Variants in CLEC9A observed in about 807,000 individuals in gnomAD.
The protein encoded by CLEC9A is C-type lectin domain containing 9A.
A neutral mutation model predicts 30.0 loss-of-function variants in CLEC9A; 24 were observed. The ratio of observed to expected loss-of-function variants is 0.80; its 90% CI spans 0.58 to 1.13. The LOEUF (loss-of-function observed/expected upper bound fraction) is 1.13, where lower values mean the gene tolerates loss of function less well. Ranked by LOEUF, CLEC9A falls within the 50% of genes most tolerant of loss-of-function variation. The probability of loss-of-function intolerance (pLI) is 0.00; values close to 1 mark genes in which losing one functional copy is unlikely to be tolerated. For synonymous variants in CLEC9A, 111 were observed against 96.8 expected, an observed-to-expected ratio of 1.15 and a Z score of -0.86; for missense variants, 251 against 280.9, an observed-to-expected ratio of 0.89 and a Z score of 0.76.
At chr12:10,039,661 T>C (rs1280277511) in intron 1 of CLEC9A, among the ~76,000 whole-genome samples, 1 of 152,212 alleles carries the variant, frequency 6.6e-6, no homozygotes, top group Non-Finnish European at 1.5e-5. Flanking sequence ...TGTGCTTTTT[T>C]CCTCCAGGAA....
chr12:10,052,787 T>G lies in CLEC9A; in HGVS notation c.91+9T>G. The G allele has an allele frequency of 1.2e-6, 2 of 1,612,750 alleles. No individual in the cohort carries two copies. Among genetic ancestry groups the G allele is most frequent in the Non-Finnish European group, 1.7e-6 (2 of 1,179,488 alleles). ...TTCCAACAAATGTTCAGGTAACCAG[T>G]TCTAACTATTTTGTGTGAGACTTTA... On this transcript the variant is annotated intron_variant, in intron 4 of 8. Transcript: ENST00000355819.
chr12:10,060,811 T>C, intron 5 of CLEC9A: 1 of 249,080 alleles, frequency 4.0e-6, no homozygotes, highest in South Asian at 4.9e-5. Context: ...TTTGCCTTCA[T>C]TTGTAAAGTT....
Position 10,061,141 on chromosome 12 carries a change from A to G in CLEC9A, c.187A>G (p.Thr63Ala), listed in dbSNP as rs758338942. 1.9e-6 allele frequency: 3 copies of G among 1,610,666 alleles called. No homozygotes were observed. Among genetic ancestry groups the G allele is most frequent in the South Asian group, 2.2e-5 (2 of 90,262 alleles). ...ATCATGTGAAGTGTTGCAGGTGTCC[A>G]CCATTGCGATGCAGCAGCAAGAAAA... ...FLGVKLLQVS[T>A]IAMQQQEKLI... The change falls in exon 6 of 9, where the codon ACC becomes GCC. Residue 63 changes from threonine to alanine, a missense_variant. Coordinates refer to ENST00000355819, the MANE Select transcript of CLEC9A (RefSeq NM_207345.4).
At chr12:10,031,564 G>A (rs988503276) in intron 1 of CLEC9A, among the ~76,000 whole-genome samples, 1 of 152,098 alleles carries the variant, frequency 6.6e-6, no homozygotes, top group Non-Finnish European at 1.5e-5. Context: ...TGTGTCCAGT[G>A]CCCCCCACCA....
rs546292301 is a variant in CLEC9A, at chr12:10,031,970, C to T, written c.-318+998C>T. On this transcript the variant is annotated intron_variant, in intron 1 of 8. Coordinates refer to ENST00000355819, the MANE Select transcript of CLEC9A (RefSeq NM_207345.4). ...GGAAAGGAATGCAGACAAGGCTGAG[C>T]CTTGTTTGGAGAGCTAAGTTCAGTG... Among the ~76,000 whole-genome samples, 13 of 151,202 alleles carry T rather than the reference C, an allele frequency of 8.6e-5. 1 individual carries two copies. Among genetic ancestry groups the T allele is most frequent in the African/African-American group, 3.2e-4 (13 of 41,180 alleles).
At chr12:10,040,691 C>A (rs1865787591) in intron 1 of CLEC9A, among the ~76,000 whole-genome samples, 1 of 151,804 alleles carries the variant, frequency 6.6e-6, no homozygotes, top group South Asian at 2.1e-4. Context: ...ACCTCGTGAT[C>A]CGCCCGCCTC....
intron 1 of CLEC9A, among the ~76,000 whole-genome samples, chr12:10,033,574 C>G (rs1199435333): frequency 2.0e-5 from 3 of 152,170 alleles, no homozygotes; most frequent in African/African-American, 7.2e-5. Flanking sequence ...GTTCCTCTGC[C>G]AAAAACTTGG....
intron 2 of CLEC9A, among the ~76,000 whole-genome samples, chr12:10,048,365 C>T (rs1054884049): frequency 1.8e-4 from 12 of 68,072 alleles, no homozygotes; most frequent in African/African-American, 4.4e-4. Flanking sequence ...AGTGAGATTC[C>T]GAAAAAAAAA....
intron 1 of CLEC9A, among the ~76,000 whole-genome samples, chr12:10,034,071 A>G (rs1177767864): frequency 6.6e-6 from 1 of 152,244 alleles, no homozygotes; most frequent in Non-Finnish European, 1.5e-5. Context: ...CCAGGATAAT[A>G]AAATGTCTGA....
At chr12:10,061,847 T>G (rs891833794) in intron 6 of CLEC9A, among the ~76,000 whole-genome samples, 3 of 152,224 alleles carry the variant, frequency 2.0e-5, no homozygotes, top group Non-Finnish European at 1.5e-5. Context: ...TGCCATGTAT[T>G]CTATGCTTGG....
At chr12:10,041,283 A>G (rs532837417) in intron 1 of CLEC9A, among the ~76,000 whole-genome samples, 183 bp from the exon 2 acceptor site, 1 of 152,070 alleles carries the variant, frequency 6.6e-6, no homozygotes, top group East Asian at 1.9e-4. Flanking sequence ...AACAAACAAA[A>G]AAAAACAGAA....
intron 5 of CLEC9A, among the ~76,000 whole-genome samples, chr12:10,055,895 A>G (rs1177830708): frequency 6.6e-6 from 1 of 151,638 alleles, no homozygotes; most frequent in African/African-American, 2.4e-5. Flanking sequence ...CATCTCTACT[A>G]AAAATGCAAA....
At chr12:10,040,503 T>A (rs1309632604) in intron 1 of CLEC9A, among the ~76,000 whole-genome samples, 1 of 150,216 alleles carries the variant, frequency 6.7e-6, no homozygotes, top group Admixed American at 6.7e-5. Flanking sequence ...CAGGCTGGAG[T>A]GCGGTGGCGC....
intron 1 of CLEC9A, among the ~76,000 whole-genome samples, chr12:10,038,402 C>A (rs1215979205): frequency 2.0e-5 from 3 of 151,684 alleles, no homozygotes; most frequent in African/African-American, 7.3e-5. Context: ...AAGGAGATAG[C>A]AGGGAGAAAA....
At chr12:10,049,406 A>T (rs998633741) in intron 2 of CLEC9A, among the ~76,000 whole-genome samples, 1 of 152,210 alleles carries the variant, frequency 6.6e-6, no homozygotes, top group Non-Finnish European at 1.5e-5. Flanking sequence ...CAAGCCTGCC[A>T]TTGACTTTTC....
intron 2 of CLEC9A, among the ~76,000 whole-genome samples, chr12:10,041,936 A>G (rs546425662): frequency 2.7e-4 from 41 of 152,310 alleles, no homozygotes; most frequent in African/African-American, 9.6e-4. Flanking sequence ...AACTTGCTGC[A>G]CTGCGCACTT....
At chr12:10,031,059 G>A (rs74061465) in intron 1 of CLEC9A, 87 bp downstream of exon 1, 1 of 152,098 alleles carries the variant, frequency 6.6e-6, no homozygotes, top group Non-Finnish European at 1.5e-5. Flanking sequence ...TTATAAGAAA[G>A]GCATGATTAA....
At chr12:10,035,688 T>G (rs1289345890) in intron 1 of CLEC9A, among the ~76,000 whole-genome samples, 1 of 152,180 alleles carries the variant, frequency 6.6e-6, no homozygotes, top group Non-Finnish European at 1.5e-5. Flanking sequence ...CGATCTCAGC[T>G]CATTGCAACC....
chr12:10,034,246 A>C (rs985543860), intron 1 of CLEC9A, among the ~76,000 whole-genome samples: 59 of 152,258 alleles, frequency 3.9e-4, no homozygotes, highest in Admixed American at 3.9e-3. Flanking sequence ...TGATAAAAGC[A>C]TATAGAAAGA....
Sources: gnomAD v4.1 joint callset for allele counts (sites outside exome capture counted in the v4.1 genomes callset) on GRCh38, gnomAD v4.1.1 for gene constraint, MANE v1.5 for transcripts, NCBI Gene and HGNC (gene_info 2026-07-23, HGNC 2026-07-21) for gene names.